DTNA: variants seen among roughly 807,000 people sequenced by gnomAD.
DTNA encodes the protein dystrophin-related protein 3.
DTNA carries 43 observed loss-of-function variants against 100.7 expected under a neutral mutation model. The ratio of observed to expected loss-of-function variants is 0.43; its 90% CI spans 0.33 to 0.55. The LOEUF is 0.55. Ranked by LOEUF, DTNA falls within the 20% of genes least tolerant of loss-of-function variation. The pLI is 0.04. For missense variants in DTNA, 798 were observed against 953.9 expected, an observed-to-expected ratio of 0.84 and a Z score of 2.15; for synonymous variants, 349 against 347.9, an observed-to-expected ratio of 1.00 and a Z score of -0.04.
chr18:34,741,922 T>G (rs1403937992), intron 1 of DTNA, among the ~76,000 whole-genome samples: 1 of 152,212 alleles, frequency 6.6e-6, no homozygotes, highest in African/African-American at 2.4e-5. Context: ...TTTGAGTTAT[T>G]TAAATTTGAG....
At chr18:34,576,024 A>G (rs956221108) in intron 1 of DTNA, among the ~76,000 whole-genome samples, 1 of 152,186 alleles carries the variant, frequency 6.6e-6, no homozygotes, top group Non-Finnish European at 1.5e-5. Flanking sequence ...AGCAGAAAAC[A>G]TGCCATGATG....
intron 17 of DTNA, chr18:34,867,069 A>G (rs553447168): frequency 8.1e-7 from 1 of 1,230,362 alleles, no homozygotes. Flanking sequence ...GTACCACGCT[A>G]TGTATGACAA....
Position 34,815,850 on chromosome 18 carries a change from AT to A in DTNA, c.604-58del, listed in dbSNP as rs1382797687. ...CAGTCTCAAATGATATGATATTTAC[AT>A]AGCAGGTAAATTGAGATGATTCTCT... On this transcript the variant is annotated intron_variant, in intron 6 of 22. Transcript: ENST00000444659. 17 of 1,339,900 alleles carry A rather than the reference AT, an allele frequency of 1.3e-5. No individual in the cohort carries two copies. In the African/African-American group the frequency reaches 1.6e-4, roughly 13 times the overall value. 83.0% of individuals were successfully genotyped at this position (1,339,900 alleles called of 1,614,324 possible). A position where few individuals can be genotyped will look rare whatever the true frequency, so the allele number is the denominator to read the frequency against.
At chr18:34,789,304 C>T (rs754921396) in intron 3 of DTNA, among the ~76,000 whole-genome samples, 34 of 152,314 alleles carry the variant, frequency 2.2e-4, no homozygotes, top group South Asian at 6.2e-4. Context: ...TGTCCGTCTC[C>T]GCTCCTTTCT....
intron 1 of DTNA, among the ~76,000 whole-genome samples, chr18:34,693,393 T>C (rs1018158177): frequency 3.3e-5 from 5 of 152,158 alleles, no homozygotes; most frequent in Non-Finnish European, 5.9e-5. Flanking sequence ...TTTGAGGAAA[T>C]TGAAGACTAG....
At chr18:34,719,376 T>C (rs2084776049) in intron 1 of DTNA, among the ~76,000 whole-genome samples, 1 of 145,436 alleles carries the variant, frequency 6.9e-6, no homozygotes. Flanking sequence ...TAAGTAGTTA[T>C]TATCTCTCCA....
chr18:34,712,917 T>A (rs2083194659), intron 1 of DTNA, among the ~76,000 whole-genome samples: 2 of 152,102 alleles, frequency 1.3e-5, no homozygotes, highest in Non-Finnish European at 2.9e-5. Context: ...TGCTAAAAAA[T>A]TAATGATATT....
At chr18:34,528,376 A>G (rs998787535) in intron 1 of DTNA, among the ~76,000 whole-genome samples, 3 of 152,086 alleles carry the variant, frequency 2.0e-5, no homozygotes, top group African/African-American at 7.2e-5. Flanking sequence ...GGTTATTCCT[A>G]TTAGCTCATG....
At chr18:34,559,558 A>G (rs1380862056) in intron 1 of DTNA, among the ~76,000 whole-genome samples, 1 of 152,236 alleles carries the variant, frequency 6.6e-6, no homozygotes, top group Admixed American at 6.5e-5. Context: ...CAGGAAATTC[A>G]AAAGGAAATA....
At position 34,756,018 on chromosome 18, in the gene DTNA, A is replaced by C. The variant is rs761219723; in HGVS notation, c.42A>C (p.Glu14Asp). 2.5e-6 allele frequency: 4 copies of C among 1,613,418 alleles called. No individual in the cohort carries two copies. The East Asian group carries it at 6.7e-5, about 27-fold the overall frequency. The change falls in exon 2 of 23, where the codon GAA (glutamate) becomes GAC (aspartate). Residue 14 changes from glutamate to aspartate, a missense_variant. Coordinates refer to ENST00000444659, the MANE Select transcript of DTNA (RefSeq NM_001386795.1). Reference sequence around the variant, plus strand: ...GGAAAAGAGGAAATACCATGGCAGAAAGAAGACAGCTGTTTGCAGAGATGA... The same window carrying C: ...GGAAAAGAGGAAATACCATGGCAGACAGAAGACAGCTGTTTGCAGAGATGA... ...DSGKRGNTMAERRQLFAEMRA... is the reference protein window; with the variant it reads ...DSGKRGNTMADRRQLFAEMRA...
intron 1 of DTNA, among the ~76,000 whole-genome samples, chr18:34,527,713 G>A (rs1174972870): frequency 6.6e-6 from 1 of 152,114 alleles, no homozygotes; most frequent in African/African-American, 2.4e-5. Context: ...GTGGAGGCAA[G>A]TGCCTAGTTC....
intron 8 of DTNA, among the ~76,000 whole-genome samples, chr18:34,819,680 A>G (rs2046122798): frequency 6.6e-6 from 1 of 152,164 alleles, no homozygotes; most frequent in Admixed American, 6.5e-5. Flanking sequence ...ATCTGTACAA[A>G]GAAGGATCAG....
chr18:34,688,216 G>A (rs2079190541), intron 1 of DTNA, among the ~76,000 whole-genome samples: 1 of 152,114 alleles, frequency 6.6e-6, no homozygotes, highest in Non-Finnish European at 1.5e-5. Context: ...CCTATTAGTT[G>A]ATGCAGTTTC....
intron 3 of DTNA, among the ~76,000 whole-genome samples, chr18:34,779,270 A>G (rs2094207899): frequency 6.6e-6 from 1 of 152,190 alleles, no homozygotes; most frequent in Admixed American, 6.5e-5. Context: ...AGCACACAGA[A>G]TGCATTTGAC....
chr18:34,875,333 C>T lies in DTNA; in HGVS notation c.1838C>T (p.Pro613Leu), dbSNP rs145425478. 166 of 1,614,086 alleles carry T rather than the reference C, an allele frequency of 1.0e-4. 1 individual carries two copies. The highest frequency in any genetic ancestry group is 1.6e-4 in the Middle Eastern group (1 of 6,084). Residue 613 changes from proline (P) to leucine (L), a missense_variant, in exon 18 of 23, where the codon CCG (proline) becomes CTG (leucine). Transcript: ENST00000444659. ...CGGTCAGCGTCAGCCTGCTCCACCC[C>T]GACGCACACGCCGCAGGACTCCCTC... ...PIRSASACST[P>L]THTPQDSLTG...
chr18:34,577,421 A>C (rs1173707317), intron 1 of DTNA, among the ~76,000 whole-genome samples: 1 of 152,134 alleles, frequency 6.6e-6, no homozygotes, highest in Non-Finnish European at 1.5e-5. Flanking sequence ...CTGATAATGG[A>C]ATATTGAGTC....
At chr18:34,597,414 A>T (rs2050853890) in intron 1 of DTNA, among the ~76,000 whole-genome samples, 1 of 152,082 alleles carries the variant, frequency 6.6e-6, no homozygotes, top group Admixed American at 6.6e-5. Flanking sequence ...TCATCATTTA[A>T]CTTGGCTATT....
At chr18:34,863,669 C>G (rs772348556) in intron 16 of DTNA, among the ~76,000 whole-genome samples, 1 of 152,286 alleles carries the variant, frequency 6.6e-6, no homozygotes, top group Middle Eastern at 3.4e-3. Flanking sequence ...ACAGGGCCCA[C>G]TACATAGTAA....
At chr18:34,770,306 A>G (rs2093700385) in intron 3 of DTNA, among the ~76,000 whole-genome samples, 1 of 152,242 alleles carries the variant, frequency 6.6e-6, no homozygotes, top group Non-Finnish European at 1.5e-5. Flanking sequence ...TTAAAACTAC[A>G]TAAAGGAGGA....
Sources: allele counts gnomAD v4.1 joint callset (sites outside exome capture counted in the v4.1 genomes callset), GRCh38; gene constraint gnomAD v4.1.1; transcripts MANE v1.5; gene names NCBI Gene and HGNC (gene_info 2026-07-23, HGNC 2026-07-21).